Variants in TEX51 observed in about 807,000 individuals in gnomAD.
TEX51 encodes the protein testis-expressed protein 51.
In TEX51, 14 loss-of-function variants were observed where a neutral mutation model predicts 8.0. The observed-to-expected ratio is 1.76, with a 90% confidence interval of 1.16 to 2.75. The LOEUF (loss-of-function observed/expected upper bound fraction) is 2.75. Ranked by LOEUF, TEX51 falls within the 30% of genes most tolerant of loss-of-function variation. The pLI is 0.00. For synonymous variants in TEX51, 58 were observed against 28.6 expected, an observed-to-expected ratio of 2.03 and a Z score of -3.29; for missense variants, 142 against 77.4, an observed-to-expected ratio of 1.83 and a Z score of -3.13.
chr2:126,900,122 G>A (rs1680248662), intron 4 of TEX51, 103 bp downstream of exon 4: 1 of 682,478 alleles, frequency 1.5e-6, no homozygotes, highest in Admixed American at 2.0e-5. Flanking sequence ...AGCTTTTCTT[G>A]TTCTTTATCC....
In TEX51 at chr2:126,898,962, G is replaced by C; in HGVS notation, c.44G>C (p.Gly15Ala). The C allele has an allele frequency of 1.4e-6, 1 of 701,452 alleles. No homozygotes were observed. The highest frequency in any genetic ancestry group is 2.6e-6 in the Non-Finnish European group (1 of 384,802). 43.5% of individuals were successfully genotyped at this position (701,452 alleles called of 1,614,324 possible). A position where few individuals can be genotyped will look rare whatever the true frequency, so the allele number is the denominator to read the frequency against. The change falls in exon 1 of 7, where the codon GGG becomes GCG. Residue 15 changes from glycine (G) to alanine (A), a missense_variant. Gly to Ala is a moderately conservative substitution (Grantham distance 60). Transcript: ENST00000568484. ...LIICLLPAIEGKNCLRCWPEL... is the reference protein window; with the variant it reads ...LIICLLPAIEAKNCLRCWPEL... ...ATCTGTCTCCTGCCTGCCATTGAAG[G>C]GAAGAACTGCCTCCGCTGCTGGCCA...
At chr2:126,901,499 G>C in intron 6 of TEX51, 95 bp downstream of exon 6, 2 of 684,650 alleles carry the variant, frequency 2.9e-6, no homozygotes, top group Admixed American at 2.1e-5. Flanking sequence ...CCCCAGTGCT[G>C]ACCTCCTGGG....
intron 2 of TEX51, 103 bp from the exon 3 acceptor site, chr2:126,899,419 GT>G (rs1680198391): frequency 1.5e-6 from 1 of 681,906 alleles, no homozygotes; most frequent in African/African-American, 1.8e-5. Context: ...AATGCAGTCT[GT>G]CTCCGTGTGC....
At chr2:126,900,869 G>A (rs1272101490) in intron 4 of TEX51, among the ~76,000 whole-genome samples, 1 of 152,290 alleles carries the variant, frequency 6.6e-6, no homozygotes, top group Non-Finnish European at 1.5e-5. Context: ...CCTGTGCCGG[G>A]GACACAGCCT....
intron 4 of TEX51, 61 bp downstream of exon 4, chr2:126,900,080 G>T (rs1220315930): frequency 5.7e-6 from 4 of 698,006 alleles, no homozygotes; most frequent in South Asian, 4.5e-5. Context: ...TGGAGCCATT[G>T]CTGTCTCTGT....
In TEX51 at chr2:126,898,973, C is replaced by T. The variant is rs1251132614; in HGVS notation, c.55C>T (p.Leu19Phe). ...GCCTGCCATTGAAGGGAAGAACTGC[C>T]TCCGCTGCTGGCCAGAACTGTCTGC... ...LLPAIEGKNC[L>F]RCWPELSALI... The change falls in exon 1 of 7, where the codon CTC (leucine) becomes TTC (phenylalanine). Residue 19 changes from leucine to phenylalanine, a missense_variant. Coordinates refer to ENST00000568484, the MANE Select transcript of TEX51 (RefSeq NM_001322244.2). 2.8e-6 allele frequency: 2 copies of T among 701,812 alleles called. No homozygotes were observed. The highest frequency in any genetic ancestry group is 3.0e-5 in the South Asian group (2 of 67,560). The allele number at this position is 701,812 out of a possible 1,614,324, so 43.5% of individuals were successfully genotyped here.
chr2:126,898,900 A>G lies in TEX51; in HGVS notation c.-19A>G. 1 of 696,026 alleles carries G rather than the reference A, an allele frequency of 1.4e-6. No homozygotes were observed. The highest frequency in any genetic ancestry group is 2.6e-6 in the Non-Finnish European group (1 of 381,384). 43.1% of individuals were successfully genotyped at this position (696,026 alleles called of 1,614,324 possible). ...ACTTCCAGGCAGGGCACTGGGGCACAGTAGGAGGAACCCAGAAGATGCTGC... is the reference window on the plus strand; with the variant it reads ...ACTTCCAGGCAGGGCACTGGGGCACGGTAGGAGGAACCCAGAAGATGCTGC... On this transcript the variant is annotated 5_prime_UTR_variant, in exon 1 of 7. Coordinates refer to ENST00000568484, the MANE Select transcript of TEX51 (RefSeq NM_001322244.2).
chr2:126,899,827 CCCTGGCAG>C (rs1356530907), intron 3 of TEX51, 101 bp from the exon 4 acceptor site: 8 of 702,270 alleles, frequency 1.1e-5, no homozygotes, highest in Admixed American at 2.0e-5. Flanking sequence ...TTCTCACCCT[CCCTGGCAG>C]CCTGCAATGA....
At chr2:126,899,861 T>C (rs1437884999) in intron 3 of TEX51, 75 bp from the exon 4 acceptor site, 1 of 702,108 alleles carries the variant, frequency 1.4e-6, no homozygotes, top group Admixed American at 2.0e-5. Context: ...GTGGTGAGTA[T>C]GCATGGGGAC....
At chr2:126,899,138 C>T in intron 1 of TEX51, 75 bp downstream of exon 1, 1 of 701,284 alleles carries the variant, frequency 1.4e-6, no homozygotes. Context: ...GCCAGGAGAT[C>T]AGGGATTGGA....
Position 126,899,981 on chromosome 2 carries a change from C to T in TEX51, c.356C>T (p.Thr119Ile), listed in dbSNP as rs1680240521. 1 of 701,394 alleles carries T rather than the reference C, an allele frequency of 1.4e-6. No individual in the cohort carries two copies. The highest frequency in any genetic ancestry group is 1.7e-5 in the African/African-American group (1 of 57,174). 43.4% of individuals were successfully genotyped at this position (701,394 alleles called of 1,614,324 possible). A position where few individuals can be genotyped will look rare whatever the true frequency, so the allele number is the denominator to read the frequency against. The change falls in exon 4 of 7, where the codon ACT (threonine) becomes ATT (isoleucine). Residue 119 changes from threonine (T) to isoleucine (I), a missense_variant. Transcript: ENST00000568484. The part of the protein sequence containing the change: ...LKVTSCADCR[T>I]HFLSCNDPTF... The stretch of plus-strand genomic sequence containing the variant: ...GTCACCAGCTGTGCTGACTGCAGGA[C>T]TCACTTCCTCTCCTGCAATGACCCC...
chr2:126,901,769 G>A (rs1321684626), intron 6 of TEX51, 103 bp from the exon 7 acceptor site: 2 of 572,114 alleles, frequency 3.5e-6, no homozygotes, highest in East Asian at 2.9e-5. Context: ...TCTGGGTTGG[G>A]TTTGGCCAGG....
chr2:126,901,993 G>GT lies in TEX51; in HGVS notation c.*124_*125insT. 1.7e-6 allele frequency: 1 copy of GT among 584,432 alleles called. No homozygotes were observed. 36.2% of individuals were successfully genotyped at this position (584,432 alleles called of 1,614,324 possible). On this transcript the variant is annotated 3_prime_UTR_variant, in exon 7 of 7. Coordinates refer to ENST00000568484, the MANE Select transcript of TEX51 (RefSeq NM_001322244.2). ...CCCCATACCCTCCATCCTGGGTCCT[G>GT]GGGCCCCAAAGCTCTGAGGCCTAGG... is the stretch of plus-strand genomic sequence containing the variant.
At position 126,901,229 on chromosome 2, in the gene TEX51, C is replaced by T. The variant is rs1257835934; in HGVS notation, c.414C>T (p.Ser138=). The T allele has an allele frequency of 2.9e-6, 2 of 680,236 alleles. No individual in the cohort carries two copies. Among genetic ancestry groups the T allele is most frequent in the Non-Finnish European group, 5.4e-6 (2 of 370,442 alleles). 42.1% of individuals were successfully genotyped at this position (680,236 alleles called of 1,614,324 possible). A position where few individuals can be genotyped will look rare whatever the true frequency, so the allele number is the denominator to read the frequency against. ...CCCCAGCCAGGAACCGGCGGACCTC[C>T]CTGTGGGCTGTGAGTCTCAGCAGTG... ...TFCPARNRRT[S]LWAVSLSSAL... The change falls in exon 5 of 7, where the codon TCC becomes TCT. Residue 138 remains serine, a synonymous_variant. Transcript: ENST00000568484.
At position 126,901,221 on chromosome 2, in the gene TEX51, C is replaced by T. The variant is rs141993761; in HGVS notation, c.406C>T (p.Arg136Trp). The T allele has an allele frequency of 1.2e-4, 78 of 662,644 alleles. No individual in the cohort carries two copies. Among genetic ancestry groups the T allele is most frequent in the African/African-American group, 7.3e-4 (41 of 56,408 alleles). The allele number at this position is 662,644 out of a possible 1,614,324, so 41.0% of individuals were successfully genotyped here. A position where few individuals can be genotyped will look rare whatever the true frequency, so the allele number is the denominator to read the frequency against. ...CTTTCACACCCCAGCCAGGAACCGGCGGACCTCCCTGTGGGCTGTGAGTCT... is the reference window on the plus strand; with the variant it reads ...CTTTCACACCCCAGCCAGGAACCGGTGGACCTCCCTGTGGGCTGTGAGTCT... ...DPTFCPARNR[R>W]TSLWAVSLSS... The change falls in exon 5 of 7, where the codon CGG becomes TGG. Residue 136 changes from arginine to tryptophan, a missense_variant. Coordinates refer to ENST00000568484, the MANE Select transcript of TEX51 (RefSeq NM_001322244.2).
chr2:126,901,440 C>T, intron 6 of TEX51, 36 bp downstream of exon 6: 1 of 701,934 alleles, frequency 1.4e-6, no homozygotes, highest in South Asian at 1.5e-5. Flanking sequence ...AATTCTAGGG[C>T]TCCCAGAGGG....
intron 6 of TEX51, 121 bp from the exon 7 acceptor site, chr2:126,901,751 C>T: frequency 1.7e-6 from 1 of 572,752 alleles, no homozygotes. Flanking sequence ...GGCTGCCTTG[C>T]CCTCTGCTCT....
chr2:126,899,926 C>T lies in TEX51; in HGVS notation c.311-10C>T, dbSNP rs918759535. 2.8e-6 allele frequency: 2 copies of T among 702,148 alleles called. No homozygotes were observed. The highest frequency in any genetic ancestry group is 5.2e-6 in the Non-Finnish European group (2 of 384,800). The allele number at this position is 702,148 out of a possible 1,614,324, so 43.5% of individuals were successfully genotyped here. On this transcript the variant is annotated splice_polypyrimidine_tract_variant and intron_variant, in intron 3 of 6. Coordinates refer to ENST00000568484, the MANE Select transcript of TEX51 (RefSeq NM_001322244.2). Reference sequence around the variant, plus strand: ...GGCACCCCCTAGCCCCTGTCCCTCCCCTCCCATAGACATACAGTCCACACT... The same window carrying T: ...GGCACCCCCTAGCCCCTGTCCCTCCTCTCCCATAGACATACAGTCCACACT...
intron 2 of TEX51, 84 bp downstream of exon 2, chr2:126,899,375 C>T (rs537965440): frequency 2.9e-6 from 2 of 695,424 alleles, no homozygotes; most frequent in East Asian, 5.4e-5. Flanking sequence ...GCCCATGTGG[C>T]CATGGGTGGG....
Sources: gnomAD v4.1 joint callset for allele counts (sites outside exome capture counted in the v4.1 genomes callset) on GRCh38, gnomAD v4.1.1 for gene constraint, MANE v1.5 for transcripts, NCBI Gene and HGNC (gene_info 2026-07-23, HGNC 2026-07-21) for gene names.